ZBTB47: variants seen among roughly 807,000 people sequenced by gnomAD.
The protein encoded by ZBTB47 is zinc finger and BTB domain-containing protein 47.
In ZBTB47, 24 loss-of-function variants were observed where a neutral mutation model predicts 56.6. The observed-to-expected ratio is 0.42, with a 90% confidence interval of 0.31 to 0.60. The LOEUF (loss-of-function observed/expected upper bound fraction) is 0.60. Ranked by LOEUF, ZBTB47 falls within the 20% of genes least tolerant of loss-of-function variation. The probability of loss-of-function intolerance (pLI) is 0.14; values close to 1 mark genes in which losing one functional copy is unlikely to be tolerated. For missense variants in ZBTB47, 829 were observed against 1,032.6 expected (o/e 0.80, Z 2.70); for synonymous variants, 414 against 418.9 (o/e 0.99, Z 0.14).
chr3:42,664,636 G>A lies in ZBTB47; in HGVS notation c.*38G>A. ...ACCCGTGCACCCGCTGGGGCCTGGA[G>A]TCAGGGCCCACTCCAGGAGGGACCC... On this transcript the variant is annotated 3_prime_UTR_variant, in exon 6 of 6. Transcript: ENST00000232974. 8 of 1,391,504 alleles carry A rather than the reference G, an allele frequency of 5.7e-6. No individual in the cohort carries two copies. Among genetic ancestry groups the A allele is most frequent in the Non-Finnish European group, 7.4e-6 (8 of 1,084,114 alleles). The allele number at this position is 1,391,504 out of a possible 1,614,324, so 86.2% of individuals were successfully genotyped here.
At chr3:42,655,118 C>T (rs542979650) in intron 1 of ZBTB47, among the ~76,000 whole-genome samples, 26 of 152,290 alleles carry the variant, frequency 1.7e-4, no homozygotes, top group African/African-American at 5.1e-4. Context: ...CCAGAGCTCC[C>T]GTACCAACTC....
At chr3:42,657,190 A>G (rs1185834599) in intron 1 of ZBTB47, among the ~76,000 whole-genome samples, 1 of 152,224 alleles carries the variant, frequency 6.6e-6, no homozygotes, top group Non-Finnish European at 1.5e-5. Context: ...GTTGGCTTCT[A>G]TTCCAGGCAA....
At position 42,667,113 on chromosome 3, in the gene ZBTB47, A is replaced by G. The variant is rs1191372705; in HGVS notation, c.*2515A>G. Among the ~76,000 whole-genome samples, 1 of 152,246 alleles carries G rather than the reference A, an allele frequency of 6.6e-6. No homozygotes were observed. Among genetic ancestry groups the G allele is most frequent in the Non-Finnish European group, 1.5e-5 (1 of 68,044 alleles). The stretch of plus-strand genomic sequence containing the variant: ...TAAAACAAAACAACACAAAAAAACA[A>G]TGTGCCCCCAGATGTCAGAATGAGG... On this transcript the variant is annotated 3_prime_UTR_variant, in exon 6 of 6. Transcript: ENST00000232974.
chr3:42,664,077 C>A, intron 5 of ZBTB47, 136 bp downstream of exon 5: 1 of 1,470,372 alleles, frequency 6.8e-7, no homozygotes, highest in Non-Finnish European at 9.1e-7. Context: ...TCCTGCCTCC[C>A]AGGGTTGGGT....
rs1382898204 is a variant in ZBTB47 at position 42,663,732 on chromosome 3, G to A, written c.1738-65G>A. 14 of 1,585,530 alleles carry A rather than the reference G, an allele frequency of 8.8e-6. No individual in the cohort carries two copies. The highest frequency in any genetic ancestry group is 1.1e-5 in the Non-Finnish European group (13 of 1,160,056). ...TTGGCCCTGTGGCCACAGGGGAGCT[G>A]TTCCCTCCACAAAGGCTGCTCTTCT... On this transcript the variant is annotated intron_variant, in intron 4 of 5. Transcript: ENST00000232974. This position sits in a 1 kb window ranked among gnomAD's most constrained non-coding sequence, Gnocchi z 5.1.
intron 1 of ZBTB47, 117 bp from the exon 2 acceptor site, chr3:42,658,158 G>A (rs1380110420): frequency 8.7e-7 from 1 of 1,150,554 alleles, no homozygotes; most frequent in Non-Finnish European, 1.2e-6. Context: ...CTGTAAAGTG[G>A]AGCCACGAGT....
In ZBTB47 at chr3:42,666,459, AG is replaced by A. The variant is rs1710790264; in HGVS notation, c.*1864del. On this transcript the variant is annotated 3_prime_UTR_variant, in exon 6 of 6. Coordinates refer to ENST00000232974, the MANE Select transcript of ZBTB47 (RefSeq NM_145166.4). ...ATCTTTGGGCTTCCGTGATGTCCTC[AG>A]GGTCCCCCCCTCCCTGTTGCTATTT... is the stretch of plus-strand genomic sequence containing the variant. 6.6e-6 allele frequency among the ~76,000 whole-genome samples: 1 copy of A among 152,094 alleles called. No homozygotes were observed. Among genetic ancestry groups the A allele is most frequent in the Admixed American group, 6.5e-5 (1 of 15,282 alleles).
At chr3:42,658,217 G>T in intron 1 of ZBTB47, 58 bp from the exon 2 acceptor site, 1 of 1,428,768 alleles carries the variant, frequency 7.0e-7, no homozygotes, top group Non-Finnish European at 9.1e-7. Flanking sequence ...GGTGCTGGGG[G>T]AAGGGCGGGC....
rs1710746174 is a variant in ZBTB47 at position 42,663,460 on chromosome 3, C to T, written c.1737+333C>T. Among the ~76,000 whole-genome samples, 1 of 152,098 alleles carries T rather than the reference C, an allele frequency of 6.6e-6. No individual in the cohort carries two copies. The highest frequency in any genetic ancestry group is 2.1e-4 in the South Asian group (1 of 4,828). The stretch of plus-strand genomic sequence containing the variant: ...CTGGAGCTCAGATGAGACAACAGAG[C>T]TGCAGGTGGGGAGGTGGGGGCAGGG... On this transcript the variant is annotated intron_variant, in intron 4 of 5. Transcript: ENST00000232974. The surrounding 1 kb of genome is among the most constrained non-coding windows in gnomAD (Gnocchi z 5.1).
intron 5 of ZBTB47, 92 bp downstream of exon 5, chr3:42,664,033 C>A: frequency 6.7e-7 from 1 of 1,495,772 alleles, no homozygotes; most frequent in South Asian, 1.3e-5. Flanking sequence ...TGGCCACACC[C>A]CTTCTCAAGT....
At position 42,663,249 on chromosome 3, in the gene ZBTB47, G is replaced by C. The variant is rs1408267798; in HGVS notation, c.1737+122G>C. The stretch of plus-strand genomic sequence containing the variant: ...GGAATGTAGTGTCCAGAAAGAGAGA[G>C]CCCTGCCCTCTGAGGTCTGCAGCCC... On this transcript the variant is annotated intron_variant, in intron 4 of 5. Coordinates refer to ENST00000232974, the MANE Select transcript of ZBTB47 (RefSeq NM_145166.4). The surrounding 1 kb of genome is among the most constrained non-coding windows in gnomAD (Gnocchi z 5.1). 4 of 728,726 alleles carry C rather than the reference G, an allele frequency of 5.5e-6. No homozygotes were observed. Among genetic ancestry groups the C allele is most frequent in the Non-Finnish European group, 9.4e-6 (4 of 425,226 alleles). 45.1% of individuals were successfully genotyped at this position (728,726 alleles called of 1,614,324 possible). A position where few individuals can be genotyped will look rare whatever the true frequency, so the allele number is the denominator to read the frequency against.
Position 42,663,213 on chromosome 3 carries a change from G to T in ZBTB47, c.1737+86G>T. On this transcript the variant is annotated intron_variant, in intron 4 of 5. Coordinates refer to ENST00000232974, the MANE Select transcript of ZBTB47 (RefSeq NM_145166.4). This position sits in a 1 kb window ranked among gnomAD's most constrained non-coding sequence, Gnocchi z 5.1. ...GGAGCGCAGCTGCTGAAAAACAAAGGGCTAGGGGGTGGAATGTAGTGTCCA... is the reference window on the plus strand; with the variant it reads ...GGAGCGCAGCTGCTGAAAAACAAAGTGCTAGGGGGTGGAATGTAGTGTCCA... 9.8e-7 allele frequency: 1 copy of T among 1,016,360 alleles called. No individual in the cohort carries two copies. Among genetic ancestry groups the T allele is most frequent in the Admixed American group, 1.8e-5 (1 of 56,694 alleles). The allele number at this position is 1,016,360 out of a possible 1,614,324, so 63.0% of individuals were successfully genotyped here.
chr3:42,657,200 A>C (rs531461068), intron 1 of ZBTB47, among the ~76,000 whole-genome samples: 1 of 152,304 alleles, frequency 6.6e-6, no homozygotes, highest in South Asian at 2.1e-4. Flanking sequence ...ATTCCAGGCA[A>C]TTCACAGGTG....
In ZBTB47 at chr3:42,659,362, G is replaced by A. The variant is rs1452828861; in HGVS notation, c.1007G>A (p.Gly336Glu). ...EEEEEEEEEE[G>E]PSEQDQESSE... is the part of the protein sequence containing the mutation. The stretch of plus-strand genomic sequence containing the variant: ...GAAGAGGAGGAGGAAGAGGAGGAAG[G>A]GCCTAGTGAGCAGGATCAAGAGAGC... Residue 336 changes from glycine (G) to glutamate (E), a missense_variant, in exon 2 of 6, where the codon GGG becomes GAG. Gly to Glu is a moderately conservative substitution (Grantham distance 98). Coordinates refer to ENST00000232974, the MANE Select transcript of ZBTB47 (RefSeq NM_145166.4). The A allele has an allele frequency of 3.5e-6, 5 of 1,439,460 alleles. No individual in the cohort carries two copies. Among genetic ancestry groups the A allele is most frequent in the Non-Finnish European group, 4.6e-6 (5 of 1,084,234 alleles). The allele number at this position is 1,439,460 out of a possible 1,614,324, so 89.2% of individuals were successfully genotyped here. A position where few individuals can be genotyped will look rare whatever the true frequency, so the allele number is the denominator to read the frequency against.
chr3:42,662,973 G>GGCCCGT (rs750699104), intron 3 of ZBTB47, 39 bp from the exon 4 acceptor site: 63 of 1,509,596 alleles, frequency 4.2e-5, no homozygotes, highest in Non-Finnish European at 5.7e-5. Flanking sequence ...TGCTTGGGCA[G>GGCCCGT]GCCCGTAAAA....
rs914529113 is a variant in ZBTB47 at position 42,658,442 on chromosome 3, G to A, written c.87G>A (p.Pro29=). The change falls in exon 2 of 6, where the codon CCG becomes CCA. Residue 29 remains proline (P), a synonymous_variant. Coordinates refer to ENST00000232974, the MANE Select transcript of ZBTB47 (RefSeq NM_145166.4). ...TGGTGCCCCAGCGCAGCGTCTTTCC[G>A]GCACACAAGGGTGTGCTAGCCGCCT... ...LVLVPQRSVF[P]AHKGVLAAYS... 46 of 1,536,864 alleles carry A rather than the reference G, an allele frequency of 3.0e-5. No homozygotes were observed. Among genetic ancestry groups the A allele is most frequent in the Middle Eastern group, 1.7e-4 (1 of 6,012 alleles).
chr3:42,666,649 CT>C lies in ZBTB47; in HGVS notation c.*2052del, dbSNP rs1710793022. 6.6e-6 allele frequency among the ~76,000 whole-genome samples: 1 copy of C among 152,208 alleles called. No homozygotes were observed. The highest frequency in any genetic ancestry group is 2.4e-5 in the African/African-American group (1 of 41,464). The stretch of plus-strand genomic sequence containing the variant: ...CAGGCACTGGTGGTGTCATCACCTG[CT>C]GGCCCCACTACAGCCTGAGTAGGCC... On this transcript the variant is annotated 3_prime_UTR_variant, in exon 6 of 6. Transcript: ENST00000232974.
intron 5 of ZBTB47, 21 bp from the exon 6 acceptor site, chr3:42,664,216 C>T: frequency 6.2e-7 from 1 of 1,611,258 alleles, no homozygotes; most frequent in Non-Finnish European, 8.5e-7. Context: ...TGACGCCCTG[C>T]TGCCCACCCC....
chr3:42,662,745 G>A (rs763692842), intron 3 of ZBTB47, among the ~76,000 whole-genome samples: 1 of 152,200 alleles, frequency 6.6e-6, no homozygotes, highest in Non-Finnish European at 1.5e-5. Context: ...TGGGGGCAAG[G>A]CAGCCTTGGC....
Sources: gnomAD v4.1 joint callset for allele counts (sites outside exome capture counted in the v4.1 genomes callset) on GRCh38, gnomAD v4.1.1 for gene constraint, Gnocchi (gnomAD v3.1) non-coding constraint, MANE v1.5 for transcripts, NCBI Gene and HGNC (gene_info 2026-07-23, HGNC 2026-07-21) for gene names.